The following CDH23 variants were observed in gnomAD, a reference collection of about 807,000 sequenced individuals.
CDH23 encodes the protein cadherin related 23, also known as cadherin-23.
CDH23 carries 189 observed loss-of-function variants against 317.1 expected under a neutral mutation model. That is an observed-to-expected ratio of 0.60 (90% CI 0.53 to 0.67). CDH23 has a LOEUF of 0.67. Ranked by LOEUF, CDH23 falls within the 30% of genes least tolerant of loss-of-function variation. The pLI, the probability that CDH23 is intolerant of heterozygous loss-of-function variation, is 0.00. For missense variants in CDH23, 4,401 were observed against 4,592.4 expected (o/e 0.96, Z 1.20); for synonymous variants, 1,839 against 1,876.8 (o/e 0.98, Z 0.52).
At chr10:71,547,327 C>T (rs992572690) in intron 6 of CDH23, among the ~76,000 whole-genome samples, 10 of 152,208 alleles carry the variant, frequency 6.6e-5, no homozygotes, top group Non-Finnish European at 1.5e-4. Flanking sequence ...TTCTAGCAGA[C>T]GGATGGCACA....
At chr10:71,706,573 G>A (rs543640248) in intron 25 of CDH23, among the ~76,000 whole-genome samples, 5 of 152,342 alleles carry the variant, frequency 3.3e-5, no homozygotes, top group South Asian at 2.1e-4. Context: ...ATGATTGTCC[G>A]TGTTGCCATG....
intron 22 of CDH23, among the ~76,000 whole-genome samples, chr10:71,698,989 C>A (rs1194740564): frequency 2.0e-5 from 3 of 152,148 alleles, no homozygotes; most frequent in Non-Finnish European, 4.4e-5. Flanking sequence ...GAGTCCCCAC[C>A]CGATAGAACT....
rs2132846233 is a variant in CDH23 at position 71,740,879 on chromosome 10, A to G, written c.4546A>G (p.Thr1516Ala). ...GAAGAAGGACCACATCCTGCAGGTG[A>G]CCATCCTGGACATCAATGACAACCC... Reference protein sequence around the residue: ...PRKKDHILQVTILDINDNPPV... With the variant: ...PRKKDHILQVAILDINDNPPV... The change falls in exon 37 of 70, where the codon ACC (threonine) becomes GCC (alanine). Residue 1516 changes from threonine (T) to alanine (A), a missense_variant. Transcript: ENST00000224721. The G allele has an allele frequency of 1.2e-6, 2 of 1,613,960 alleles. No homozygotes were observed. Among genetic ancestry groups the G allele is most frequent in the South Asian group, 2.2e-5 (2 of 91,086 alleles).
At chr10:71,794,292 G>A (rs1020090943) in intron 48 of CDH23, among the ~76,000 whole-genome samples, 8 of 152,190 alleles carry the variant, frequency 5.3e-5, no homozygotes, top group African/African-American at 1.9e-4. Flanking sequence ...GTGAGTCACT[G>A]CACCCAGCCG....
chr10:71,756,748 T>G (rs1054801209), intron 38 of CDH23, among the ~76,000 whole-genome samples: 1 of 152,200 alleles, frequency 6.6e-6, no homozygotes, highest in African/African-American at 2.4e-5. Flanking sequence ...GGCCAAAAGA[T>G]GGGCTGGGAT....
rs1256059964 is a variant in CDH23 at position 71,617,262 on chromosome 10, A to G, written c.1003A>G (p.Asn335Asp). Residue 335 changes from asparagine (N) to aspartate (D), a missense_variant, in exon 11 of 70, where the codon AAT (asparagine) becomes GAT (aspartate). By Grantham distance (23) the Asn-to-Asp change is conservative. Coordinates refer to ENST00000224721, the MANE Select transcript of CDH23 (RefSeq NM_022124.6). Reference protein sequence around the residue: ...PSDATVTTTFNILVIDINDNA... With the variant: ...PSDATVTTTFDILVIDINDNA... ...TGACGCTACAGTCACCACGACCTTC[A>G]ATATCCTGGTTATTGACATCAATGA... The G allele has an allele frequency of 1.9e-6, 3 of 1,613,978 alleles. No homozygotes were observed. The highest frequency in any genetic ancestry group is 2.5e-6 in the Non-Finnish European group (3 of 1,179,878).
chr10:71,725,261 C>G lies in CDH23; in HGVS notation c.3431-111C>G, dbSNP rs1202072442. The stretch of plus-strand genomic sequence containing the variant: ...TTCTGTGTCCCAGAAGACCCGCAGC[C>G]TCCTCACAAGGAGGGGACTGGTGAA... On this transcript the variant is annotated intron_variant, in intron 29 of 69. Coordinates refer to ENST00000224721, the MANE Select transcript of CDH23 (RefSeq NM_022124.6). 13 of 1,537,540 alleles carry G rather than the reference C, an allele frequency of 8.5e-6. No individual in the cohort carries two copies. The Admixed American group carries it at 2.2e-4, about 26-fold the overall frequency.
chr10:71,501,359 G>A (rs1853322839), intron 3 of CDH23, among the ~76,000 whole-genome samples: 1 of 152,198 alleles, frequency 6.6e-6, no homozygotes, highest in Admixed American at 6.5e-5. Context: ...CAAGTGGACG[G>A]AGTTGCAGGA....
In CDH23 at chr10:71,812,552, C is replaced by CCTACCG; in HGVS notation, c.9454_9459dup (p.Leu3152_Pro3153dup). On this transcript the variant is annotated inframe_insertion, in exon 67 of 70. Coordinates refer to ENST00000224721, the MANE Select transcript of CDH23 (RefSeq NM_022124.6). ...CCGCCCAGGCGGAGCATGAGGATGA[C>CCTACCG]CTACCGGAGAACCTGAGTGAGATCG... 6.2e-7 allele frequency: 1 copy of CCTACCG among 1,612,634 alleles called. No individual in the cohort carries two copies. Among genetic ancestry groups the CCTACCG allele is most frequent in the Non-Finnish European group, 8.5e-7 (1 of 1,179,104 alleles).
chr10:71,773,493 G>A (rs1840738219), intron 38 of CDH23: 1 of 1,522,122 alleles, frequency 6.6e-7, no homozygotes, highest in Non-Finnish European at 8.9e-7. Context: ...GGCGGGACGC[G>A]GCCGGCGCGG....
At chr10:71,592,375 G>A (rs1859552635) in intron 9 of CDH23, among the ~76,000 whole-genome samples, 1 of 152,098 alleles carries the variant, frequency 6.6e-6, no homozygotes, top group African/African-American at 2.4e-5. Context: ...AAAAACCACA[G>A]AAGTTTATTC....
At chr10:71,807,819 A>G (rs761516016) in intron 59 of CDH23, 27 bp from the exon 60 acceptor site, 7 of 1,592,038 alleles carry the variant, frequency 4.4e-6, no homozygotes, top group Non-Finnish European at 6.0e-6. Context: ...CTGCCCTGCC[A>G]CTTACACCAC....
chr10:71,687,564 G>A (rs1864957684), intron 18 of CDH23, 83 bp from the exon 19 acceptor site: 1 of 1,269,322 alleles, frequency 7.9e-7, no homozygotes, highest in South Asian at 1.2e-5. Context: ...GACCTAGCCT[G>A]ACTCCTTGGT....
At chr10:71,726,234 A>G (rs1488994977) in intron 30 of CDH23, among the ~76,000 whole-genome samples, 2 of 151,996 alleles carry the variant, frequency 1.3e-5, no homozygotes, top group African/African-American at 4.8e-5. Context: ...CCTTCCCCTA[A>G]ACCAGTGAGT....
intron 34 of CDH23, 22 bp from the exon 35 acceptor site, chr10:71,738,476 C>T: frequency 6.2e-7 from 1 of 1,613,876 alleles, no homozygotes; most frequent in Non-Finnish European, 8.5e-7. Flanking sequence ...GGCTGTAGGT[C>T]TCTGACCACG....
In CDH23 at chr10:71,566,738, C is replaced by T. The variant is rs1857425007; in HGVS notation, c.430-4C>T. 6.3e-7 allele frequency: 1 copy of T among 1,590,576 alleles called. No homozygotes were observed. The highest frequency in any genetic ancestry group is 1.1e-5 in the South Asian group (1 of 88,170). ...CCTTGTACTTGCTTTGCTCTCATCC[C>T]CAGAATACACCAGTGGGGACGCCCA... is the stretch of plus-strand genomic sequence containing the variant. On this transcript the variant is annotated splice_region_variant and splice_polypyrimidine_tract_variant and intron_variant, in intron 6 of 69. Transcript: ENST00000224721.
At chr10:71,460,971 C>T (rs1053893629) in intron 3 of CDH23, among the ~76,000 whole-genome samples, 1 of 152,222 alleles carries the variant, frequency 6.6e-6, no homozygotes. Context: ...TCTGCATATT[C>T]CTTGGGATAT....
At chr10:71,764,854 G>T (rs1331351162) in intron 38 of CDH23, among the ~76,000 whole-genome samples, 2 of 152,176 alleles carry the variant, frequency 1.3e-5, no homozygotes, top group Non-Finnish European at 2.9e-5. Context: ...ATCCACCCAG[G>T]GTCCCCAGGG....
intron 28 of CDH23, chr10:71,715,157 C>A (rs1159714079): frequency 6.6e-6 from 1 of 152,428 alleles, no homozygotes; most frequent in Non-Finnish European, 1.5e-5. Flanking sequence ...GGTGGCATCA[C>A]CTCCAGCTGC....
Sources: gnomAD v4.1 joint callset for allele counts (sites outside exome capture counted in the v4.1 genomes callset) on GRCh38, gnomAD v4.1.1 for gene constraint, MANE v1.5 for transcripts, NCBI Gene and HGNC (gene_info 2026-07-23, HGNC 2026-07-21) for gene names.